FNDC1: variants seen among roughly 807,000 people sequenced by gnomAD.
FNDC1 encodes the protein fibronectin type III domain containing 1, also known as fibronectin type III domain-containing protein 1.
Under a neutral mutation model 168.0 loss-of-function variants are expected in FNDC1, and 96 were observed. That is an observed-to-expected ratio of 0.57 (90% CI 0.48 to 0.68). FNDC1 has a LOEUF of 0.68. FNDC1 is among the 30% of genes least tolerant of loss of function. FNDC1 has a pLI of 0.00. For synonymous variants in FNDC1, 1,099 were observed against 1,025.9 expected (o/e 1.07, Z -1.36); for missense variants, 2,587 against 2,482.1 (o/e 1.04, Z -0.90).
In FNDC1 at chr6:159,231,982, C is replaced by T; in HGVS notation, c.1470C>T (p.His490=). 1 of 1,614,018 alleles carries T rather than the reference C, an allele frequency of 6.2e-7. No homozygotes were observed. Among genetic ancestry groups the T allele is most frequent in the Non-Finnish European group, 8.5e-7 (1 of 1,179,902 alleles). The stretch of plus-strand genomic sequence containing the variant: ...CCAGAGCTCCAGCTTCCTCCCAACA[C>T]CCCTCTGTGCCTGCTTCTCCCCAAG... The part of the protein sequence containing the change: ...PSPRAPASSQ[H]PSVPASPQGR... The change falls in exon 11 of 23, where the codon CAC becomes CAT. Residue 490 remains histidine (H), a synonymous_variant. Coordinates refer to ENST00000297267, the MANE Select transcript of FNDC1 (RefSeq NM_032532.3).
intron 6 of FNDC1, 99 bp from the exon 7 acceptor site, chr6:159,223,429 A>T (rs911104224): frequency 4.7e-6 from 3 of 632,870 alleles, no homozygotes; most frequent in Non-Finnish European, 8.2e-6. Flanking sequence ...GCAATCTAAA[A>T]CTTATGCAGG....
rs546373592 is a variant in FNDC1, at chr6:159,232,692, C to T, written c.2180C>T (p.Ser727Phe). The T allele has an allele frequency of 7.0e-5, 113 of 1,613,934 alleles. No homozygotes were observed. The East Asian group carries it at 2.3e-3, about 32-fold the overall frequency. Residue 727 changes from serine to phenylalanine, a missense_variant, in exon 11 of 23, where the codon TCT becomes TTT. Transcript: ENST00000297267. This position sits in a 1 kb window ranked among gnomAD's most constrained non-coding sequence, Gnocchi z 4.9. ...SRLSPPHGGS[S>F]RLLPTQPHLS... Reference sequence around the variant, plus strand: ...CTTTCTCCACCCCATGGGGGATCATCTCGGCTGCTGCCCACCCAGCCACAC... The same window carrying T: ...CTTTCTCCACCCCATGGGGGATCATTTCGGCTGCTGCCCACCCAGCCACAC...
chr6:159,243,958 A>G (rs1473395294), intron 14 of FNDC1, among the ~76,000 whole-genome samples: 1 of 152,206 alleles, frequency 6.6e-6, no homozygotes, highest in Non-Finnish European at 1.5e-5. Flanking sequence ...GGCCTGCTGC[A>G]TGCACTGGAG....
chr6:159,197,894 G>A (rs995411659), intron 2 of FNDC1, among the ~76,000 whole-genome samples: 5 of 152,206 alleles, frequency 3.3e-5, no homozygotes, highest in African/African-American at 1.2e-4. Context: ...GTTTCTGAAT[G>A]TGTTTTCAGA....
rs376869929 is a variant in FNDC1 at position 159,229,863 on chromosome 6, C to T, written c.1229C>T (p.Ser410Phe). ...GCTCTCAAACCATTTGGAGCAAAGT[C>T]CCTCACCTATCCTGGAGACACTACT... ...APALKPFGAK[S>F]LTYPGDTTSA... Residue 410 changes from serine (S) to phenylalanine (F), a missense_variant, in exon 10 of 23, where the codon TCC becomes TTC. Ser to Phe is a radical substitution (Grantham distance 155). Coordinates refer to ENST00000297267, the MANE Select transcript of FNDC1 (RefSeq NM_032532.3). 1 of 1,613,766 alleles carries T rather than the reference C, an allele frequency of 6.2e-7. No homozygotes were observed.
rs1335743651 is a variant in FNDC1, at chr6:159,169,895, C to CCG, written c.109+192_109+193dup. The CCG allele has an allele frequency of 4.3e-6, 1 of 234,522 alleles. No homozygotes were observed. The highest frequency in any genetic ancestry group is 2.3e-5 in the African/African-American group (1 of 43,400). 14.5% of individuals were successfully genotyped at this position (234,522 alleles called of 1,614,324 possible). Reference sequence around the variant, plus strand: ...GCGGGGACGCCTCGGTGCCCGGGGACCGCAGCGCGCTGGCGTTTAACTTTG... The same window carrying CCG: ...GCGGGGACGCCTCGGTGCCCGGGGACCGCGCAGCGCGCTGGCGTTTAACTTTG... On this transcript the variant is annotated intron_variant, in intron 1 of 22. Coordinates refer to ENST00000297267, the MANE Select transcript of FNDC1 (RefSeq NM_032532.3). This position sits in a 1 kb window ranked among gnomAD's most constrained non-coding sequence, Gnocchi z 6.8.
At chr6:159,234,673 C>T (rs1001063491) in intron 11 of FNDC1, among the ~76,000 whole-genome samples, 194 bp downstream of exon 11, 10 of 152,256 alleles carry the variant, frequency 6.6e-5, no homozygotes, top group African/African-American at 2.2e-4. Context: ...TTTCCAGATG[C>T]AGAAGCTGCG....
intron 17 of FNDC1, among the ~76,000 whole-genome samples, chr6:159,254,872 A>T (rs1777341143): frequency 6.6e-6 from 1 of 151,794 alleles, no homozygotes; most frequent in Non-Finnish European, 1.5e-5. Flanking sequence ...CTTCTATCTC[A>T]CTTCTATATT....
rs1289800105 is a variant in FNDC1, at chr6:159,251,430, C to T, written c.4963C>T (p.Pro1655Ser). 3.7e-6 allele frequency: 6 copies of T among 1,613,882 alleles called. No homozygotes were observed. Among genetic ancestry groups the T allele is most frequent in the South Asian group, 2.2e-5 (2 of 91,042 alleles). ...PNDLKKSDLP[P>S]QHAPRNITVV... The stretch of plus-strand genomic sequence containing the variant: ...TGACCTGAAGAAGAGTGACCTGCCT[C>T]CCCAGCATGCTCCCCGCAACATCAC... The change falls in exon 17 of 23, where the codon CCC (proline) becomes TCC (serine). Residue 1655 changes from proline (P) to serine (S), a missense_variant. Pro to Ser is a moderately conservative substitution (Grantham distance 74). Transcript: ENST00000297267.
chr6:159,240,265 G>A (rs1331366522), intron 14 of FNDC1, among the ~76,000 whole-genome samples: 1 of 152,208 alleles, frequency 6.6e-6, no homozygotes, highest in Non-Finnish European at 1.5e-5. Context: ...CCCAAGTCAA[G>A]AATTTAGCTG....
chr6:159,231,446 A>T (rs975242259), intron 10 of FNDC1, among the ~76,000 whole-genome samples: 4 of 152,352 alleles, frequency 2.6e-5, no homozygotes, highest in East Asian at 1.9e-4. Context: ...AGTATAGATT[A>T]TTCAGCAATT....
At chr6:159,216,134 G>A (rs1782704961) in intron 5 of FNDC1, among the ~76,000 whole-genome samples, 1 of 152,062 alleles carries the variant, frequency 6.6e-6, no homozygotes. Context: ...GCTGATTTTT[G>A]TATTTTTAGT....
At chr6:159,262,084 G>A (rs1256107058) in intron 19 of FNDC1, among the ~76,000 whole-genome samples, 1 of 152,198 alleles carries the variant, frequency 6.6e-6, no homozygotes, top group Non-Finnish European at 1.5e-5. Flanking sequence ...TCCAGCTTGG[G>A]TAACAGAGTG....
At chr6:159,237,380 G>C (rs1783286024) in intron 12 of FNDC1, among the ~76,000 whole-genome samples, 1 of 152,130 alleles carries the variant, frequency 6.6e-6, no homozygotes, top group South Asian at 2.1e-4. Context: ...TGGGTGATTT[G>C]AGTATCTGAC....
intron 1 of FNDC1, among the ~76,000 whole-genome samples, chr6:159,190,678 T>G (rs941520915): frequency 6.6e-6 from 1 of 152,242 alleles, no homozygotes; most frequent in African/African-American, 2.4e-5. Context: ...AAACCTGATA[T>G]TTTGCTTTCT....
At chr6:159,210,529 G>T (rs928693113) in intron 4 of FNDC1, among the ~76,000 whole-genome samples, 1 of 152,200 alleles carries the variant, frequency 6.6e-6, no homozygotes, top group African/African-American at 2.4e-5. Flanking sequence ...CTGCTTATGG[G>T]AGAGAAAATA....
In FNDC1 at chr6:159,184,845, C is replaced by T. The variant is rs547144779; in HGVS notation, c.110-12586C>T. On this transcript the variant is annotated intron_variant, in intron 1 of 22. Coordinates refer to ENST00000297267, the MANE Select transcript of FNDC1 (RefSeq NM_032532.3). ...ACTATTTCTTGGTTACAAATTGAAT[C>T]TGAAGAATGTGCGAAAAAATTCCAC... Among the ~76,000 whole-genome samples the T allele has an allele frequency of 9.5e-4, 145 of 152,108 alleles. 1 individual carries two copies. The highest frequency in any genetic ancestry group is 3.3e-3 in the African/African-American group (138 of 41,490).
intron 19 of FNDC1, among the ~76,000 whole-genome samples, chr6:159,263,479 T>C (rs1200537596): frequency 6.6e-6 from 1 of 152,206 alleles, no homozygotes; most frequent in African/African-American, 2.4e-5. Flanking sequence ...ATGAACTTTT[T>C]TGGCTGGCCA....
Position 159,239,519 on chromosome 6 carries a change from C to A in FNDC1, c.4183C>A (p.Leu1395Met). ...GCTATTGGTTGATTTTGTTTCAGAT[C>A]TGGAAGGGACCCCCGTGGTGAGTCC... ...LGGDGRTIVD[L>M]EGTPVVSPDG... The change falls in exon 14 of 23, where the codon CTG becomes ATG. Residue 1395 changes from leucine (L) to methionine (M), a missense_variant and splice_region_variant. By Grantham distance (15) the Leu-to-Met change is conservative. Coordinates refer to ENST00000297267, the MANE Select transcript of FNDC1 (RefSeq NM_032532.3). 5 of 1,583,580 alleles carry A rather than the reference C, an allele frequency of 3.2e-6. No homozygotes were observed. Among genetic ancestry groups the A allele is most frequent in the Non-Finnish European group, 4.3e-6 (5 of 1,162,426 alleles).
Sources: allele counts gnomAD v4.1 joint callset (sites outside exome capture counted in the v4.1 genomes callset), GRCh38; gene constraint gnomAD v4.1.1; non-coding constraint Gnocchi (gnomAD v3.1); transcripts MANE v1.5; gene names NCBI Gene and HGNC (gene_info 2026-07-23, HGNC 2026-07-21).